USH2A: variants seen among roughly 807,000 people sequenced by gnomAD.
USH2A encodes the protein Usher syndrome 2A (autosomal recessive, mild).
USH2A carries 443 observed loss-of-function variants against 538.9 expected under a neutral mutation model. The observed-to-expected ratio is 0.82, with a 90% confidence interval of 0.76 to 0.89. The LOEUF is 0.89. USH2A is among the 40% of genes least tolerant of loss of function. The probability of loss-of-function intolerance (pLI) is 0.00; values close to 1 mark genes in which losing one functional copy is unlikely to be tolerated. For missense variants in USH2A, 6,633 were observed against 6,324.8 expected, an observed-to-expected ratio of 1.05 and a Z score of -1.65; for synonymous variants, 2,413 against 2,273.5, an observed-to-expected ratio of 1.06 and a Z score of -1.75.
chr1:216,418,351 C>T (rs2102783518), intron 3 of USH2A, among the ~76,000 whole-genome samples, 163 bp downstream of exon 3: 1 of 152,170 alleles, frequency 6.6e-6, no homozygotes, highest in South Asian at 2.1e-4. Flanking sequence ...AGAGATACAT[C>T]ATTAGGTCAT....
intron 21 of USH2A, among the ~76,000 whole-genome samples, chr1:216,169,818 C>T (rs1039564816): frequency 2.6e-5 from 4 of 152,128 alleles, no homozygotes; most frequent in Non-Finnish European, 5.9e-5. Flanking sequence ...GTTCATTAAA[C>T]TTCTAGGACA....
intron 44 of USH2A, among the ~76,000 whole-genome samples, chr1:215,859,163 G>C (rs1430019965): frequency 6.6e-6 from 1 of 152,086 alleles, no homozygotes; most frequent in East Asian, 1.9e-4. Flanking sequence ...GTTGACCCTT[G>C]AACAACACAA....
At chr1:215,874,789 G>A (rs1396458171) in intron 43 of USH2A, among the ~76,000 whole-genome samples, 2 of 152,126 alleles carry the variant, frequency 1.3e-5, no homozygotes, top group African/African-American at 2.4e-5. Flanking sequence ...TTATGCAGAC[G>A]TTAAGTTAAG....
intron 32 of USH2A, among the ~76,000 whole-genome samples, chr1:216,044,652 G>A (rs570974717): frequency 2.0e-5 from 3 of 152,038 alleles, no homozygotes; most frequent in Non-Finnish European, 4.4e-5. Flanking sequence ...ACTGGAAAAT[G>A]TAATTAACAC....
intron 47 of USH2A, among the ~76,000 whole-genome samples, chr1:215,836,565 A>AATATATATATATATATATATTT (rs1663536970): frequency 6.1e-5 from 2 of 32,876 alleles, no homozygotes; most frequent in African/African-American, 1.8e-4. Context: ...ATATATATAT[A>AATATATATATATATATATATTT]TTTTTTTTTG....
At chr1:215,791,614 T>C (rs1177759973) in intron 50 of USH2A, among the ~76,000 whole-genome samples, 1 of 152,204 alleles carries the variant, frequency 6.6e-6, no homozygotes, top group Non-Finnish European at 1.5e-5. Context: ...GCATACCATG[T>C]TTATCTAATG....
chr1:215,918,332 T>C (rs1471447903), intron 38 of USH2A, among the ~76,000 whole-genome samples: 2 of 152,116 alleles, frequency 1.3e-5, no homozygotes, highest in Admixed American at 6.6e-5. Flanking sequence ...TATTAGGAGA[T>C]GGAGCCTTGG....
At chr1:215,920,179 T>C (rs1666061916) in intron 38 of USH2A, among the ~76,000 whole-genome samples, 1 of 152,012 alleles carries the variant, frequency 6.6e-6, no homozygotes, top group South Asian at 2.1e-4. Context: ...CAATTAAACA[T>C]CAAGATTCAG....
chr1:216,135,745 T>TA (rs1302056538), intron 21 of USH2A, among the ~76,000 whole-genome samples: 5 of 152,230 alleles, frequency 3.3e-5, no homozygotes, highest in African/African-American at 1.2e-4. Context: ...CTCATGAAGA[T>TA]TAAATCCTAT....
In USH2A at chr1:216,009,673, C is replaced by T. The variant is rs182721710; in HGVS notation, c.6326-9111G>A. On this transcript the variant is annotated intron_variant, in intron 32 of 71. Transcript: ENST00000307340. ...TCTACAGACCCATCTGACCTCTCCC[C>T]TCCTCCCCAGACTGCTCCTCGCCAG... is the stretch of plus-strand genomic sequence containing the variant. Among the ~76,000 whole-genome samples the T allele has an allele frequency of 1.1e-4, 16 of 152,136 alleles. No individual in the cohort carries two copies. In the East Asian group the frequency reaches 1.9e-3, roughly 18 times the overall value.
intron 32 of USH2A, among the ~76,000 whole-genome samples, chr1:216,041,532 T>C (rs2030274094): frequency 1.3e-5 from 2 of 152,068 alleles, no homozygotes; most frequent in Admixed American, 6.6e-5. Flanking sequence ...AAAGGGAAAC[T>C]ACAAGTAAAT....
At position 216,012,911 on chromosome 1, in the gene USH2A, G is replaced by A. The variant is rs558854183; in HGVS notation, c.6326-12349C>T. ...AAACTTGTCATCCCTACTATCTTCTGTCTAGTCATACTCCTATTCACCGTT... is the reference window on the plus strand; with the variant it reads ...AAACTTGTCATCCCTACTATCTTCTATCTAGTCATACTCCTATTCACCGTT... On this transcript the variant is annotated intron_variant, in intron 32 of 71. Coordinates refer to ENST00000307340, the MANE Select transcript of USH2A (RefSeq NM_206933.4). Among the ~76,000 whole-genome samples, 16 of 152,128 alleles carry A rather than the reference G, an allele frequency of 1.1e-4. No homozygotes were observed. The South Asian group carries it at 2.9e-3, about 28-fold the overall frequency.
intron 44 of USH2A, among the ~76,000 whole-genome samples, chr1:215,848,518 C>T (rs1293620581): frequency 6.6e-6 from 1 of 152,144 alleles, no homozygotes; most frequent in Non-Finnish European, 1.5e-5. Flanking sequence ...CTGGATGAGA[C>T]CCCATTAAAT....
At chr1:216,221,733 T>C (rs1037500808) in intron 14 of USH2A, among the ~76,000 whole-genome samples, 1 of 152,228 alleles carries the variant, frequency 6.6e-6, no homozygotes, top group Non-Finnish European at 1.5e-5. Flanking sequence ...CTGAGAACAC[T>C]GTCTCTTTCT....
rs886039449 is a variant in USH2A, at chr1:216,247,090, G to A, written c.2304C>T (p.Cys768=). ...FCNPHSGQCE[C]KKEAKGLQCD... ...ACTGAAGTCCTTTGGCTTCTTTTTT[G>A]CACTCACACTGCCCAGAGTGAGGAT... is the stretch of plus-strand genomic sequence containing the variant. The change falls in exon 13 of 72, where the codon TGC becomes TGT. Residue 768 remains cysteine, a synonymous_variant. Transcript: ENST00000307340. 1.9e-6 allele frequency: 3 copies of A among 1,613,990 alleles called. No individual in the cohort carries two copies. The highest frequency in any genetic ancestry group is 1.3e-5 in the African/African-American group (1 of 75,018).
In USH2A at chr1:216,226,027, AAG is replaced by A. The variant is rs553937900; in HGVS notation, c.2993+5924_2993+5925del. Among the ~76,000 whole-genome samples the A allele has an allele frequency of 6.2e-4, 94 of 152,320 alleles. 2 individuals carry two copies. In the South Asian group the frequency reaches 0.019, roughly 31 times the overall value. Reference sequence around the variant, plus strand: ...CATATTAAAAAGGAGTAGCCAAAAAAAGAGTTAGAAAACAAATAAGAGAAGTA... The same window carrying A: ...CATATTAAAAAGGAGTAGCCAAAAAAAGTTAGAAAACAAATAAGAGAAGTA... On this transcript the variant is annotated intron_variant, in intron 14 of 71. Coordinates refer to ENST00000307340, the MANE Select transcript of USH2A (RefSeq NM_206933.4).
chr1:215,943,028 T>C (rs1414932181), intron 37 of USH2A, among the ~76,000 whole-genome samples: 1 of 152,154 alleles, frequency 6.6e-6, no homozygotes, highest in East Asian at 1.9e-4. Context: ...TCGCACCCTC[T>C]AGCAACACCT....
At chr1:216,365,551 G>T (rs2038580647) in intron 3 of USH2A, among the ~76,000 whole-genome samples, 1 of 152,098 alleles carries the variant, frequency 6.6e-6, no homozygotes, top group Non-Finnish European at 1.5e-5. Context: ...ACTGTCTTGG[G>T]TATTGGTATC....
chr1:215,870,327 G>T (rs750240142), intron 43 of USH2A, among the ~76,000 whole-genome samples: 3 of 149,512 alleles, frequency 2.0e-5, no homozygotes, highest in Non-Finnish European at 4.4e-5. Flanking sequence ...ACGGAGTCTC[G>T]CTCTGTGCCC....
Sources: allele counts gnomAD v4.1 joint callset (sites outside exome capture counted in the v4.1 genomes callset), GRCh38; gene constraint gnomAD v4.1.1; transcripts MANE v1.5; gene names NCBI Gene and HGNC (gene_info 2026-07-23, HGNC 2026-07-21).